Variants in RYR1 observed in about 807,000 individuals in gnomAD.
RYR1 encodes ryanodine receptor 1.
In RYR1, 342 loss-of-function variants were observed where a neutral mutation model predicts 583.5. That is an observed-to-expected ratio of 0.59 (90% CI 0.54 to 0.64). The LOEUF (loss-of-function observed/expected upper bound fraction) is 0.64. Among genes scored for constraint, RYR1 ranks in the 30% least tolerant of loss-of-function variants. The probability of loss-of-function intolerance (pLI) is 0.00; values close to 1 mark genes in which losing one functional copy is unlikely to be tolerated. For missense variants in RYR1, 6,032 were observed against 6,917.2 expected, an observed-to-expected ratio of 0.87 and a Z score of 4.54; for synonymous variants, 2,791 against 2,822.5, an observed-to-expected ratio of 0.99 and a Z score of 0.35.
chr19:38,546,173 G>C (rs2145783232), intron 87 of RYR1, among the ~76,000 whole-genome samples: 1 of 152,002 alleles, frequency 6.6e-6, no homozygotes, highest in South Asian at 2.1e-4. Flanking sequence ...CCAAATGTCT[G>C]CCCCGCAAGC....
At chr19:38,534,005 A>ATTT (rs71165556) in intron 78 of RYR1, among the ~76,000 whole-genome samples, 5 of 127,440 alleles carry the variant, frequency 3.9e-5, no homozygotes, top group Non-Finnish European at 6.5e-5. Context: ...ACCATCTGTA[A>ATTT]TTTTTTTTTT....
At position 38,460,509 on chromosome 19, in the gene RYR1, G is replaced by A. The variant is rs2145418857; in HGVS notation, c.2495G>A (p.Gly832Glu). 1 of 1,614,156 alleles carries A rather than the reference G, an allele frequency of 6.2e-7. No individual in the cohort carries two copies. Among genetic ancestry groups the A allele is most frequent in the Non-Finnish European group, 8.5e-7 (1 of 1,180,030 alleles). The change falls in exon 20 of 106, where the codon GGG (glycine) becomes GAG (glutamate). Residue 832 changes from glycine (G) to glutamate (E), a missense_variant. By Grantham distance (98) the Gly-to-Glu change is moderately conservative. Coordinates refer to ENST00000359596, the MANE Select transcript of RYR1 (RefSeq NM_000540.3). ...CCCATCAAGGAGTATCGACGGGAGG[G>A]GCCCCGGGGGCCTCACCTGGTGGGC... ...LEPIKEYRRE[G>E]PRGPHLVGPS... is the part of the protein sequence containing the mutation.
At chr19:38,535,902 C>T in intron 81 of RYR1, 95 bp from the exon 82 acceptor site, 1 of 1,119,680 alleles carries the variant, frequency 8.9e-7, no homozygotes, top group South Asian at 1.3e-5. Context: ...TACTGTGGCT[C>T]TCCAGGCTAC....
At chr19:38,536,871 G>T in intron 83 of RYR1, 104 bp downstream of exon 83, 1 of 1,279,948 alleles carries the variant, frequency 7.8e-7, no homozygotes, top group Non-Finnish European at 1.1e-6. Flanking sequence ...GTGGAGGGGA[G>T]GGAGGGACCC....
intron 17 of RYR1, 37 bp from the exon 18 acceptor site, chr19:38,458,014 T>G: frequency 6.2e-7 from 1 of 1,610,144 alleles, no homozygotes; most frequent in Non-Finnish European, 8.5e-7. Flanking sequence ...TCTCTGCCTC[T>G]CCGTCATCCC....
In RYR1 at chr19:38,457,582, C is replaced by T. The variant is rs140133838; in HGVS notation, c.1877C>T (p.Pro626Leu). The change falls in exon 17 of 106, where the codon CCT (proline) becomes CTT (leucine). Residue 626 changes from proline (P) to leucine (L), a missense_variant. By Grantham distance (98) the Pro-to-Leu change is moderately conservative (BLOSUM62 -3). This residue lies in a region of RYR1 where 2,627 missense variants were observed against 2,961.3 expected (regional missense o/e 0.89). Transcript: ENST00000359596. ...GATCTTATTACTGAGAACTTGCTGC[C>T]TGGCCGTGAGCTTCTGCTGCAGACA... ...NQDLITENLL[P>L]GRELLLQTNL... 1 of 1,614,182 alleles carries T rather than the reference C, an allele frequency of 6.2e-7. No individual in the cohort carries two copies. The highest frequency in any genetic ancestry group is 8.5e-7 in the Non-Finnish European group (1 of 1,180,046).
intron 70 of RYR1, 68 bp from the exon 71 acceptor site, chr19:38,525,264 T>C: frequency 6.4e-7 from 1 of 1,555,746 alleles, no homozygotes; most frequent in Non-Finnish European, 8.7e-7. Context: ...GTGTGGATGA[T>C]GGCCGCGGGT....
intron 66 of RYR1, among the ~76,000 whole-genome samples, 159 bp downstream of exon 66, chr19:38,517,850 G>A (rs1228548964): frequency 6.6e-6 from 1 of 152,176 alleles, no homozygotes. Flanking sequence ...TGGGCACCGT[G>A]GCTCACAGCT....
In RYR1 at chr19:38,496,477, G is replaced by A. The variant is rs78915828; in HGVS notation, c.6732G>A (p.Arg2244=). 1,074 of 1,613,646 alleles carry A rather than the reference G, an allele frequency of 6.7e-4. 5 individuals are homozygous for A. The African/African-American group carries it at 0.013, about 19-fold the overall frequency. Residue 2244 remains arginine, a synonymous_variant, in exon 41 of 106, where the codon CGG becomes CGA. Transcript: ENST00000359596. This position sits in a 1 kb window ranked among gnomAD's most constrained non-coding sequence, Gnocchi z 4.8. ...RFLCYFCRIS[R]QNQRSMFDHL... Reference sequence around the variant, plus strand: ...TCTGCTATTTCTGCCGAATCAGCCGGCAGAACCAGCGCTCCATGTTTGACC... The same window carrying A: ...TCTGCTATTTCTGCCGAATCAGCCGACAGAACCAGCGCTCCATGTTTGACC...
chr19:38,496,537 C>T lies in RYR1; in HGVS notation c.6792C>T (p.Gly2264=), dbSNP rs771740238. The T allele has an allele frequency of 1.9e-6, 3 of 1,613,204 alleles. No individual in the cohort carries two copies. In the African/African-American group the frequency reaches 4.0e-5, roughly 22 times the overall value. ...LSYLLENSGI[G]LGMQGSTPLD... ...ACCTGCTGGAGAACAGTGGCATCGG[C>T]CTGGGTGAGAACCCCCGAGCCCAGG... is the stretch of plus-strand genomic sequence containing the variant. Residue 2264 remains glycine (G), a synonymous_variant, in exon 41 of 106, where the codon GGC becomes GGT. Transcript: ENST00000359596. This position sits in a 1 kb window ranked among gnomAD's most constrained non-coding sequence, Gnocchi z 4.8.
chr19:38,514,271 A>T (rs987164670), intron 63 of RYR1, among the ~76,000 whole-genome samples: 3 of 145,292 alleles, frequency 2.1e-5, no homozygotes, highest in Admixed American at 7.2e-5. Context: ...CTCTAAAAAA[A>T]TTTTTTTTTA....
intron 92 of RYR1, among the ~76,000 whole-genome samples, chr19:38,567,375 A>C (rs558903594): frequency 1.3e-5 from 2 of 152,168 alleles, no homozygotes; most frequent in South Asian, 4.1e-4. Context: ...ACTCCCATCT[A>C]ACTGCCAGGC....
At chr19:38,539,495 C>A (rs757336457) in intron 84 of RYR1, among the ~76,000 whole-genome samples, 2 of 151,984 alleles carry the variant, frequency 1.3e-5, no homozygotes, top group Non-Finnish European at 2.9e-5. Context: ...GCCTTGGCCT[C>A]CTAAAATGCT....
intron 31 of RYR1, 60 bp downstream of exon 31, chr19:38,478,660 C>T (rs1855763602): frequency 6.4e-7 from 1 of 1,565,816 alleles, no homozygotes; most frequent in Non-Finnish European, 8.7e-7. Context: ...CAGGACAGCT[C>T]TTATAGATGT....
chr19:38,584,167 C>T (rs1974340954), intron 101 of RYR1, among the ~76,000 whole-genome samples: 1 of 151,798 alleles, frequency 6.6e-6, no homozygotes, highest in Non-Finnish European at 1.5e-5. Flanking sequence ...CCAGTGCTTC[C>T]CCTAGCTCAT....
chr19:38,570,301 A>G (rs942841991), intron 93 of RYR1, among the ~76,000 whole-genome samples: 2 of 151,744 alleles, frequency 1.3e-5, no homozygotes, highest in African/African-American at 2.4e-5. Flanking sequence ...AAAATACACA[A>G]ATTAGCTGGG....
chr19:38,524,445 A>C (rs1436477734), intron 70 of RYR1, among the ~76,000 whole-genome samples: 2 of 152,086 alleles, frequency 1.3e-5, no homozygotes, highest in Non-Finnish European at 2.9e-5. Context: ...AGCAGCCCCC[A>C]CCCCAGGGCT....
At position 38,518,518 on chromosome 19, in the gene RYR1, G is replaced by C. The variant is rs892582015; in HGVS notation, c.10019-696G>C. ...CCAGGGTAAGGGGCCAGAGGCTGGG[G>C]TAAGAAGCCCATTCACAACCTTGGG... On this transcript the variant is annotated intron_variant, in intron 66 of 105. Coordinates refer to ENST00000359596, the MANE Select transcript of RYR1 (RefSeq NM_000540.3). Among the ~76,000 whole-genome samples, 6 of 152,228 alleles carry C rather than the reference G, an allele frequency of 3.9e-5. No homozygotes were observed. The East Asian group carries it at 1.2e-3, about 29-fold the overall frequency.
At position 38,512,292 on chromosome 19, in the gene RYR1, C is replaced by T. The variant is rs2145662654; in HGVS notation, c.9281C>T (p.Ser3094Phe). ...GPEIVKAGLR[S>F]FFESASEDIE... ...GAGATCGTGAAGGCTGGCCTCCGCT[C>T]CTTCTTCGAGAGTGCCTCGGAGGAC... Residue 3094 changes from serine (S) to phenylalanine (F), a missense_variant, in exon 63 of 106, where the codon TCC (serine) becomes TTC (phenylalanine). Ser to Phe is a radical substitution (Grantham distance 155). Around this residue, in one of 11 missense-constraint regions of RYR1, gnomAD observed 1,493 missense variants for 1,715.5 expected, o/e 0.87. Transcript: ENST00000359596. This position sits in a 1 kb window ranked among gnomAD's most constrained non-coding sequence, Gnocchi z 5.1. The T allele has an allele frequency of 6.2e-7, 1 of 1,614,240 alleles. No homozygotes were observed. The highest frequency in any genetic ancestry group is 8.5e-7 in the Non-Finnish European group (1 of 1,180,042).
Sources: allele counts gnomAD v4.1 joint callset (sites outside exome capture counted in the v4.1 genomes callset), GRCh38; gene constraint gnomAD v4.1.1; regional missense constraint gnomAD v4.1.1; non-coding constraint Gnocchi (gnomAD v3.1); transcripts MANE v1.5; gene names NCBI Gene and HGNC (gene_info 2026-07-23, HGNC 2026-07-21).